TDRP: variants seen among roughly 807,000 people sequenced by gnomAD.
The protein encoded by TDRP is testis development-related protein.
Under a neutral mutation model 10.5 loss-of-function variants are expected in TDRP, and 12 were observed. The observed-to-expected ratio is 1.15, with a 90% confidence interval of 0.73 to 1.86. The LOEUF (loss-of-function observed/expected upper bound fraction) is 1.86, where lower values mean the gene tolerates loss of function less well. Ranked by LOEUF, TDRP falls within the 40% of genes most tolerant of loss-of-function variation. The pLI is 0.00. For missense variants in TDRP, 353 were observed against 229.2 expected (o/e 1.54, Z -3.49); for synonymous variants, 139 against 95.4 (o/e 1.46, Z -2.67).
intron 1 of TDRP, among the ~76,000 whole-genome samples, chr8:519,527 A>C (rs896887530): frequency 2.0e-4 from 30 of 151,800 alleles, no homozygotes; most frequent in African/African-American, 6.1e-4. Context: ...CAGATCTCTA[A>C]AACTTTTTCA....
intron 1 of TDRP, among the ~76,000 whole-genome samples, chr8:509,332 G>C (rs969342848): frequency 6.6e-6 from 1 of 152,204 alleles, no homozygotes; most frequent in Non-Finnish European, 1.5e-5. Context: ...CCCAGCAGAG[G>C]TTCTCCATGA....
chr8:523,199 G>T (rs547552022), intron 1 of TDRP, among the ~76,000 whole-genome samples: 2 of 151,924 alleles, frequency 1.3e-5, no homozygotes, highest in African/African-American at 4.8e-5. Context: ...GTTATCACAG[G>T]GATTACATAA....
intron 1 of TDRP, among the ~76,000 whole-genome samples, chr8:531,540 G>A (rs1368131958): frequency 6.6e-6 from 1 of 152,082 alleles, no homozygotes; most frequent in Non-Finnish European, 1.5e-5. Flanking sequence ...AGAATTGGTT[G>A]GTGTCAGAAG....
intron 1 of TDRP, among the ~76,000 whole-genome samples, chr8:511,922 T>G (rs1452910721): frequency 6.6e-6 from 1 of 151,946 alleles, no homozygotes; most frequent in Non-Finnish European, 1.5e-5. Context: ...AAGCAAAGCT[T>G]AGGAGGAAAT....
At chr8:500,940 C>T (rs965216983) in intron 1 of TDRP, among the ~76,000 whole-genome samples, 2 of 152,234 alleles carry the variant, frequency 1.3e-5, no homozygotes, top group South Asian at 2.1e-4. Flanking sequence ...GGCGCGGTGT[C>T]TCACACCTGT....
chr8:522,167 G>C (rs886146456), intron 1 of TDRP, among the ~76,000 whole-genome samples: 1 of 152,120 alleles, frequency 6.6e-6, no homozygotes, highest in African/African-American at 2.4e-5. Context: ...TATTTACATT[G>C]TGCTACTATG....
intron 1 of TDRP, among the ~76,000 whole-genome samples, chr8:499,402 G>A (rs1801224998): frequency 6.6e-6 from 1 of 152,120 alleles, no homozygotes; most frequent in Non-Finnish European, 1.5e-5. Context: ...TTCCAGTTGT[G>A]TGGTCTCCAC....
At chr8:496,317 C>T (rs1484283539) in intron 1 of TDRP, among the ~76,000 whole-genome samples, 1 of 152,206 alleles carries the variant, frequency 6.6e-6, no homozygotes, top group Non-Finnish European at 1.5e-5. Context: ...AGGATCCTAT[C>T]AAGAAGTCTC....
At chr8:545,370 A>C (rs1443064377), upstream of TDRP, among the ~76,000 whole-genome samples, 61 of 11,444 alleles carry the variant, frequency 5.3e-3, no homozygotes, top group Admixed American at 6.4e-3. Flanking sequence ...CCGAGCCCCC[A>C]CCCGGCCCCC....
At chr8:519,307 TC>T (rs1229510915) in intron 1 of TDRP, among the ~76,000 whole-genome samples, 2 of 152,104 alleles carry the variant, frequency 1.3e-5, no homozygotes, top group African/African-American at 4.8e-5. Flanking sequence ...CTCCGCTGTA[TC>T]CTTTCAAGTG....
chr8:490,934 G>A lies in TDRP; in HGVS notation c.*1465C>T, dbSNP rs547206469. 3 of 152,086 alleles carry A rather than the reference G, an allele frequency of 2.0e-5. No homozygotes were observed. Among genetic ancestry groups the A allele is most frequent in the Non-Finnish European group, 2.9e-5 (2 of 68,028 alleles). 9.4% of individuals were successfully genotyped at this position (152,086 alleles called of 1,614,324 possible). A position where few individuals can be genotyped will look rare whatever the true frequency, so the allele number is the denominator to read the frequency against. On this transcript the variant is annotated 3_prime_UTR_variant, in exon 3 of 3. Transcript: ENST00000324079. ...GCTAGATGGATGTAGACTGAGAGAA[G>A]ACAGACATAGAGGACAGGTGAATAG...
chr8:539,366 C>G (rs771928395), intron 1 of TDRP, among the ~76,000 whole-genome samples: 1 of 152,112 alleles, frequency 6.6e-6, no homozygotes, highest in Non-Finnish European at 1.5e-5. Context: ...AACGAAGCAC[C>G]CTGATTTAAA....
At chr8:513,093 AATT>A (rs2116791380) in intron 1 of TDRP, among the ~76,000 whole-genome samples, 1 of 141,372 alleles carries the variant, frequency 7.1e-6, no homozygotes, top group East Asian at 2.0e-4. Context: ...AATTAATACC[AATT>A]CTTCACACTA....
chr8:520,604 C>G (rs1356252525), intron 1 of TDRP, among the ~76,000 whole-genome samples: 1 of 152,216 alleles, frequency 6.6e-6, no homozygotes, highest in Non-Finnish European at 1.5e-5. Context: ...CTTGGTTACA[C>G]TGGTTATTTT....
chr8:534,100 A>T (rs1802281674), intron 1 of TDRP, among the ~76,000 whole-genome samples: 1 of 152,226 alleles, frequency 6.6e-6, no homozygotes, highest in African/African-American at 2.4e-5. Context: ...ATAACCTATA[A>T]GGTAAGAGAA....
chr8:542,728 T>C (rs955157420), intron 1 of TDRP, among the ~76,000 whole-genome samples: 1 of 151,852 alleles, frequency 6.6e-6, no homozygotes, highest in Admixed American at 6.6e-5. Flanking sequence ...CCAGGCGTGG[T>C]GACACATGCT....
intron 1 of TDRP, among the ~76,000 whole-genome samples, chr8:514,051 C>A (rs4735798): frequency 1.3e-5 from 2 of 152,178 alleles, no homozygotes; most frequent in Admixed American, 6.5e-5. Flanking sequence ...AATGAAACCC[C>A]TATCACAATA....
intron 1 of TDRP, among the ~76,000 whole-genome samples, chr8:507,625 G>A (rs1296413509): frequency 7.9e-5 from 12 of 152,182 alleles, no homozygotes; most frequent in Admixed American, 7.9e-4. Flanking sequence ...CCCACCAGAA[G>A]CCACATCAGG....
At chr8:494,092 G>C (rs530207321) in intron 2 of TDRP, among the ~76,000 whole-genome samples, 1 of 149,422 alleles carries the variant, frequency 6.7e-6, no homozygotes, top group Non-Finnish European at 1.5e-5. Flanking sequence ...GAGTAGCTGG[G>C]ATTATAGGCA....
Sources: allele counts gnomAD v4.1 joint callset (sites outside exome capture counted in the v4.1 genomes callset), GRCh38; gene constraint gnomAD v4.1.1; transcripts MANE v1.5; gene names NCBI Gene and HGNC (gene_info 2026-07-23, HGNC 2026-07-21).